FHL2: variants seen among roughly 807,000 people sequenced by gnomAD.
FHL2 encodes the protein four and a half LIM domains protein 2.
FHL2 carries 20 observed loss-of-function variants against 32.7 expected under a neutral mutation model. That is an observed-to-expected ratio of 0.61 (90% CI 0.43 to 0.89). The LOEUF (loss-of-function observed/expected upper bound fraction) is 0.89. Ranked by LOEUF, FHL2 falls within the 40% of genes least tolerant of loss-of-function variation. The pLI is 0.00. For missense variants in FHL2, 311 were observed against 358.6 expected, an observed-to-expected ratio of 0.87 and a Z score of 1.07; for synonymous variants, 123 against 128.1, an observed-to-expected ratio of 0.96 and a Z score of 0.27.
At chr2:105,405,108 T>A (rs988422483) in intron 1 of FHL2, among the ~76,000 whole-genome samples, 1 of 152,222 alleles carries the variant, frequency 6.6e-6, no homozygotes, top group African/African-American at 2.4e-5. Context: ...TGAAAAGTAT[T>A]TGTAAGGTAG....
At chr2:105,362,666 G>A (rs1033597400) in intron 6 of FHL2, among the ~76,000 whole-genome samples, 2 of 152,282 alleles carry the variant, frequency 1.3e-5, no homozygotes, top group African/African-American at 2.4e-5. Flanking sequence ...GCGATATGTG[G>A]TGACCATTTA....
At chr2:105,435,679 G>A (rs935494653) in intron 1 of FHL2, among the ~76,000 whole-genome samples, 4 of 152,012 alleles carry the variant, frequency 2.6e-5, no homozygotes, top group South Asian at 4.2e-4. Flanking sequence ...AAAATTAGCC[G>A]GACATGGTGG....
chr2:105,437,878 T>A (rs1332549279), intron 1 of FHL2, among the ~76,000 whole-genome samples: 2 of 151,974 alleles, frequency 1.3e-5, no homozygotes, highest in African/African-American at 2.4e-5. Flanking sequence ...CTGCGAAGAG[T>A]CATGTTGCAT....
chr2:105,436,429 T>C (rs914716315), intron 1 of FHL2, among the ~76,000 whole-genome samples: 5 of 152,170 alleles, frequency 3.3e-5, no homozygotes, highest in African/African-American at 1.2e-4. Flanking sequence ...TTTTAATATG[T>C]TGACTAAACA....
intron 1 of FHL2, among the ~76,000 whole-genome samples, chr2:105,436,525 G>A (rs1248250250): frequency 6.6e-6 from 1 of 151,940 alleles, no homozygotes; most frequent in Non-Finnish European, 1.5e-5. Flanking sequence ...CCATAAATTG[G>A]AAGAAAGAAG....
chr2:105,396,870 T>C (rs1421602218), intron 1 of FHL2, 173 bp from the exon 2 acceptor site: 1 of 621,764 alleles, frequency 1.6e-6, no homozygotes, highest in Non-Finnish European at 2.8e-6. Context: ...TCAAGGAACT[T>C]TGTACCTCAG....
chr2:105,390,080 A>AAAT (rs1682610525), intron 2 of FHL2: 1 of 152,298 alleles, frequency 6.6e-6, no homozygotes, highest in Non-Finnish European at 1.5e-5. Context: ...TACAAAAAAA[A>AAAT]AATTATCCGG....
At chr2:105,373,126 C>T (rs1481031462) in intron 4 of FHL2, among the ~76,000 whole-genome samples, 1 of 152,192 alleles carries the variant, frequency 6.6e-6, no homozygotes, top group Non-Finnish European at 1.5e-5. Context: ...CCTCGGCTCA[C>T]ACCCTACGAA....
upstream of FHL2, among the ~76,000 whole-genome samples, chr2:105,400,158 C>A (rs998874712): frequency 5.3e-5 from 8 of 152,098 alleles, no homozygotes; most frequent in Non-Finnish European, 7.4e-5. Flanking sequence ...ACCAGATTTA[C>A]GGTGAGGAAA....
chr2:105,429,058 G>T (rs1684344601), intron 1 of FHL2, among the ~76,000 whole-genome samples: 1 of 152,196 alleles, frequency 6.6e-6, no homozygotes, highest in Non-Finnish European at 1.5e-5. Flanking sequence ...CTATACTGCA[G>T]AGGAGAAGGG....
chr2:105,434,216 T>C (rs1459228901), intron 1 of FHL2, among the ~76,000 whole-genome samples: 1 of 152,252 alleles, frequency 6.6e-6, no homozygotes. Flanking sequence ...CCCTTGCATA[T>C]GGCAACAGGG....
At chr2:105,428,541 G>A (rs1030117879) in intron 1 of FHL2, among the ~76,000 whole-genome samples, 4 of 152,206 alleles carry the variant, frequency 2.6e-5, no homozygotes, top group Admixed American at 6.5e-5. Flanking sequence ...AGCCTGACTC[G>A]GAGGACCGTC....
At chr2:105,416,592 C>T (rs1683945132) in intron 1 of FHL2, among the ~76,000 whole-genome samples, 1 of 152,200 alleles carries the variant, frequency 6.6e-6, no homozygotes, top group African/African-American at 2.4e-5. Flanking sequence ...CATTAAAGCC[C>T]ATTTGGTCTA....
Position 105,373,543 on chromosome 2 carries a change from A to G in FHL2, c.331+16T>C, listed in dbSNP as rs76372678. 1.1e-3 allele frequency: 1,758 copies of G among 1,614,132 alleles called. 22 individuals carry two copies. The African/African-American group carries it at 0.021, about 20-fold the overall frequency. ...AGCTAGACTGGCTCACGCATGAGAA[A>G]GGAGTGCCTCCTGACCTGGCATGAT... On this transcript the variant is annotated intron_variant, in intron 4 of 6. Transcript: ENST00000530340.
Position 105,398,005 on chromosome 2 carries a change from T to C in FHL2, c.-76+837A>G, listed in dbSNP as rs577793111. On this transcript the variant is annotated intron_variant, in intron 1 of 6. Transcript: ENST00000530340. ...AAAATGTGAGATGTATTGGGAGTTG[T>C]GTTTTGAAGACAGTTCTCCTGATTC... is the stretch of plus-strand genomic sequence containing the variant. Among the ~76,000 whole-genome samples the C allele has an allele frequency of 1.4e-4, 22 of 152,300 alleles. 1 individual carries two copies. In the South Asian group the frequency reaches 4.4e-3, roughly 30 times the overall value.
chr2:105,397,873 G>A (rs372282715), intron 1 of FHL2, among the ~76,000 whole-genome samples: 10 of 40,372 alleles, frequency 2.5e-4, no homozygotes, highest in African/African-American at 6.5e-4. Flanking sequence ...AATGGTTTTT[G>A]TTTTTTTGTT....
intron 1 of FHL2, among the ~76,000 whole-genome samples, chr2:105,415,941 G>A (rs533686224): frequency 1.3e-5 from 2 of 152,098 alleles, no homozygotes; most frequent in Non-Finnish European, 2.9e-5. Context: ...GGAATAGATG[G>A]GGAATATTAA....
chr2:105,422,610 G>A (rs983202807), intron 1 of FHL2, among the ~76,000 whole-genome samples: 4 of 140,438 alleles, frequency 2.8e-5, no homozygotes, highest in East Asian at 2.1e-4. Flanking sequence ...ATTTGTTGTT[G>A]TTGTTATTGT....
intron 1 of FHL2, among the ~76,000 whole-genome samples, chr2:105,413,349 A>G (rs1683849059): frequency 6.6e-6 from 1 of 152,080 alleles, no homozygotes; most frequent in Non-Finnish European, 1.5e-5. Flanking sequence ...GACTAACGAA[A>G]CGATTTATTT....
Sources: allele counts gnomAD v4.1 joint callset (sites outside exome capture counted in the v4.1 genomes callset), GRCh38; gene constraint gnomAD v4.1.1; transcripts MANE v1.5; gene names NCBI Gene and HGNC (gene_info 2026-07-23, HGNC 2026-07-21).